Variants in CD226 observed in about 807,000 individuals in gnomAD.
CD226 encodes the protein CD226 molecule.
In CD226, 24 loss-of-function variants were observed where a neutral mutation model predicts 34.9. That is an observed-to-expected ratio of 0.69 (90% CI 0.50 to 0.97). CD226 has a LOEUF of 0.97. Among genes scored for constraint, CD226 ranks in the 50% least tolerant of loss-of-function variants. The pLI, the probability that CD226 is intolerant of heterozygous loss-of-function variation, is 0.00. For synonymous variants in CD226, 148 were observed against 147.4 expected, an observed-to-expected ratio of 1.00 and a Z score of -0.03; for missense variants, 397 against 412.7, an observed-to-expected ratio of 0.96 and a Z score of 0.33.
In CD226 at chr18:69,923,187, AAAGG is replaced by A. The variant is rs370867288; in HGVS notation, c.382+23543_382+23546del. Among the ~76,000 whole-genome samples the A allele has an allele frequency of 8.0e-4, 120 of 150,764 alleles. 1 individual carries two copies. Among genetic ancestry groups the A allele is most frequent in the Middle Eastern group, 3.4e-3 (1 of 294 alleles). On this transcript the variant is annotated intron_variant, in intron 2 of 5. Transcript: ENST00000582621. ...GAAAGAGAAAAAGAGAGAAAGAAAGAAAGGAAGGAAGGAAGGAAGGAAAGGGAGA... is the reference window on the plus strand; with the variant it reads ...GAAAGAGAAAAAGAGAGAAAGAAAGAAAGGAAGGAAGGAAGGAAAGGGAGA...
chr18:69,945,708 G>A (rs1392048037), intron 2 of CD226, among the ~76,000 whole-genome samples: 1 of 152,088 alleles, frequency 6.6e-6, no homozygotes, highest in Non-Finnish European at 1.5e-5. Context: ...ACAACAATCA[G>A]CCTGGCATGG....
chr18:69,959,463 G>A (rs1039078206), upstream of CD226, among the ~76,000 whole-genome samples: 4 of 152,134 alleles, frequency 2.6e-5, no homozygotes, highest in Non-Finnish European at 4.4e-5. Context: ...TTGCAGCATC[G>A]CATCAGCTAC....
chr18:69,906,526 G>T (rs563601663), intron 2 of CD226, among the ~76,000 whole-genome samples: 1 of 152,244 alleles, frequency 6.6e-6, no homozygotes, highest in African/African-American at 2.4e-5. Context: ...ATCTCGTCAG[G>T]AATAGCAACA....
intron 2 of CD226, among the ~76,000 whole-genome samples, chr18:69,935,328 C>T (rs1315503097): frequency 2.6e-5 from 4 of 152,178 alleles, no homozygotes; most frequent in African/African-American, 7.2e-5. Flanking sequence ...ACTCACTAAT[C>T]CTATAAGGAA....
upstream of CD226, among the ~76,000 whole-genome samples, chr18:69,949,697 A>G (rs992171992): frequency 6.6e-6 from 1 of 151,940 alleles, no homozygotes; most frequent in African/African-American, 2.4e-5. Flanking sequence ...ATGCAGTCTC[A>G]CATATGCACC....
Position 69,857,925 on chromosome 18 carries a change from T to C in CD226, c.*6389A>G, listed in dbSNP as rs1179906068. On this transcript the variant is annotated 3_prime_UTR_variant, in exon 6 of 6. Coordinates refer to ENST00000582621, the MANE Select transcript of CD226 (RefSeq NM_001303618.2). ...AACTTCTTACTTGAAATTTTGGAGG[T>C]AGTATGTTACCAAAAAAAATGGTAG... is the stretch of plus-strand genomic sequence containing the variant. The C allele has an allele frequency of 6.6e-6, 1 of 152,120 alleles. No homozygotes were observed. Among genetic ancestry groups the C allele is most frequent in the Non-Finnish European group, 1.5e-5 (1 of 68,014 alleles). The allele number at this position is 152,120 out of a possible 1,614,324, so 9.4% of individuals were successfully genotyped here.
chr18:69,949,855 C>T (rs17081921), upstream of CD226, among the ~76,000 whole-genome samples: 4,320 of 152,206 alleles, frequency 0.028, 228 homozygotes, highest in African/African-American at 0.099. Flanking sequence ...CATGCACTTA[C>T]ACGTTATCAC....
rs979769171 is a variant in CD226, at chr18:69,947,698, A to G, written c.-292T>C. The G allele has an allele frequency of 1.1e-5, 3 of 274,788 alleles. No individual in the cohort carries two copies. The highest frequency in any genetic ancestry group is 2.0e-5 in the Non-Finnish European group (3 of 149,626). 17.0% of individuals were successfully genotyped at this position (274,788 alleles called of 1,614,324 possible). A position where few individuals can be genotyped will look rare whatever the true frequency, so the allele number is the denominator to read the frequency against. On this transcript the variant is annotated 5_prime_UTR_variant, in exon 1 of 6. It removes an upstream start codon present in the reference 5' UTR. Transcript: ENST00000582621. The stretch of plus-strand genomic sequence containing the variant: ...CATTCAACAAACATGTGCTGCATGC[A>G]TTCTCTGTGCCTAACTCAGCTGTAG...
intron 2 of CD226, among the ~76,000 whole-genome samples, chr18:69,912,198 T>C (rs2055334363): frequency 6.6e-6 from 1 of 152,158 alleles, no homozygotes; most frequent in African/African-American, 2.4e-5. Flanking sequence ...ATAAAAACCC[T>C]AGAAGAAAAC....
intron 3 of CD226, among the ~76,000 whole-genome samples, chr18:69,880,944 C>A (rs1407447669): frequency 6.6e-6 from 1 of 152,120 alleles, no homozygotes; most frequent in East Asian, 1.9e-4. Flanking sequence ...AGCCACAGCA[C>A]CCAGCCAAGT....
upstream of CD226, among the ~76,000 whole-genome samples, chr18:69,959,767 G>A (rs2055920980): frequency 6.6e-6 from 1 of 152,218 alleles, no homozygotes; most frequent in African/African-American, 2.4e-5. Context: ...GAAACGTGCT[G>A]CTGACTGACG....
intron 2 of CD226, among the ~76,000 whole-genome samples, chr18:69,903,237 A>G (rs562130774): frequency 1.3e-5 from 2 of 152,282 alleles, no homozygotes; most frequent in East Asian, 3.9e-4. Context: ...CAAAAAGTGA[A>G]AAAGACAGTC....
intron 4 of CD226, among the ~76,000 whole-genome samples, chr18:69,868,912 T>C (rs1256176901): frequency 6.6e-6 from 1 of 152,252 alleles, no homozygotes; most frequent in Non-Finnish European, 1.5e-5. Flanking sequence ...AAATGATCTA[T>C]GTTTAACTTG....
At chr18:69,937,905 T>C (rs1282589668) in intron 2 of CD226, among the ~76,000 whole-genome samples, 1 of 152,184 alleles carries the variant, frequency 6.6e-6, no homozygotes, top group African/African-American at 2.4e-5. Flanking sequence ...GGAATCTCTT[T>C]AGTGCCACTA....
At chr18:69,888,747 G>C (rs1414350750) in intron 3 of CD226, among the ~76,000 whole-genome samples, 1 of 152,128 alleles carries the variant, frequency 6.6e-6, no homozygotes, top group Non-Finnish European at 1.5e-5. Flanking sequence ...ATTGTTTATA[G>C]TGGTGTTCTG....
At chr18:69,888,505 A>G (rs1384882784) in intron 3 of CD226, among the ~76,000 whole-genome samples, 1 of 146,842 alleles carries the variant, frequency 6.8e-6, no homozygotes, top group East Asian at 2.0e-4. Flanking sequence ...TGCAGCCACT[A>G]ATTCTTGGGC....
chr18:69,860,066 C>G lies in CD226; in HGVS notation c.*4248G>C, dbSNP rs1982737304. ...CAGCCCGGGCAACAAAAGTGAAACT[C>G]CGTCTCAAAAAAATAATAATAAAAT... On this transcript the variant is annotated 3_prime_UTR_variant, in exon 6 of 6. Transcript: ENST00000582621. The G allele has an allele frequency of 3.3e-5, 5 of 151,968 alleles. No individual in the cohort carries two copies. Among genetic ancestry groups the G allele is most frequent in the Admixed American group, 3.3e-4 (5 of 15,258 alleles). 9.4% of individuals were successfully genotyped at this position (151,968 alleles called of 1,614,324 possible).
intron 3 of CD226, among the ~76,000 whole-genome samples, chr18:69,876,499 C>A (rs1221762816): frequency 6.6e-6 from 1 of 152,198 alleles, no homozygotes; most frequent in South Asian, 2.1e-4. Context: ...TTTATTCACT[C>A]AGTCTTTAAA....
At chr18:69,930,082 A>G (rs1348038234) in intron 2 of CD226, among the ~76,000 whole-genome samples, 1 of 152,188 alleles carries the variant, frequency 6.6e-6, no homozygotes, top group South Asian at 2.1e-4. Flanking sequence ...AAACTGGGGT[A>G]TTTGATACAT....
Sources: gnomAD v4.1 joint callset for allele counts (sites outside exome capture counted in the v4.1 genomes callset) on GRCh38, gnomAD v4.1.1 for gene constraint, MANE v1.5 for transcripts, NCBI Gene and HGNC (gene_info 2026-07-23, HGNC 2026-07-21) for gene names.